MAGI2: variants seen among roughly 807,000 people sequenced by gnomAD.
MAGI2 encodes membrane associated guanylate kinase, WW and PDZ domain containing 2, also known as membrane-associated guanylate kinase, WW and PDZ domain-containing protein 2.
MAGI2 carries 35 observed loss-of-function variants against 133.3 expected under a neutral mutation model. That is an observed-to-expected ratio of 0.26 (90% CI 0.20 to 0.35). The LOEUF is 0.35. MAGI2 is among the 10% of genes least tolerant of loss of function. The pLI is 1.00. For missense variants in MAGI2, 1,636 were observed against 1,863.4 expected (o/e 0.88, Z 2.25); for synonymous variants, 729 against 710.6 (o/e 1.03, Z -0.41).
intron 10 of MAGI2, 137 bp downstream of exon 10, chr7:78,255,806 T>TGGG: frequency 1.1e-6 from 1 of 874,408 alleles, no homozygotes; most frequent in Non-Finnish European, 1.8e-6. Flanking sequence ...TTCATGTTTT[T>TGGG]CTCTCTCACT....
rs756056018 is a variant in MAGI2, at chr7:79,308,257, C to T, written c.301+144763G>A. Among the ~76,000 whole-genome samples the T allele has an allele frequency of 1.7e-4, 26 of 152,248 alleles. 1 individual carries two copies. The highest frequency in any genetic ancestry group is 2.9e-5 in the Non-Finnish European group (2 of 68,018). On this transcript the variant is annotated intron_variant, in intron 1 of 21. Coordinates refer to ENST00000354212, the MANE Select transcript of MAGI2 (RefSeq NM_012301.4). The stretch of plus-strand genomic sequence containing the variant: ...TGGAAATATTGACGTTGCCAACACA[C>T]GTAGCTCAATATTCCCACTGCTCTT...
intron 6 of MAGI2, among the ~76,000 whole-genome samples, chr7:78,461,393 C>T (rs373882519): frequency 1.1e-3 from 150 of 138,108 alleles, no homozygotes; most frequent in Middle Eastern, 8.5e-3. Flanking sequence ...CGTGTGTGTG[C>T]GTGTGTGTGT....
intron 2 of MAGI2, among the ~76,000 whole-genome samples, chr7:78,639,571 A>C (rs1242786626): frequency 6.6e-6 from 1 of 152,232 alleles, no homozygotes; most frequent in Non-Finnish European, 1.5e-5. Flanking sequence ...ATCACACTAA[A>C]TCTTATTATA....
At chr7:78,609,540 T>C (rs574171963) in intron 3 of MAGI2, among the ~76,000 whole-genome samples, 12 of 152,298 alleles carry the variant, frequency 7.9e-5, no homozygotes, top group African/African-American at 2.2e-4. Context: ...TGCACAAACA[T>C]GTTTTTAACA....
intron 4 of MAGI2, among the ~76,000 whole-genome samples, chr7:78,503,408 TC>T (rs1365936748): frequency 6.6e-6 from 1 of 151,948 alleles, no homozygotes; most frequent in African/African-American, 2.4e-5. Context: ...TGAATTGTAA[TC>T]CCCACATGTC....
intron 21 of MAGI2, among the ~76,000 whole-genome samples, chr7:78,066,228 G>A (rs1482939033): frequency 2.0e-5 from 3 of 152,078 alleles, no homozygotes; most frequent in African/African-American, 4.8e-5. Context: ...CTGGGAGGCC[G>A]AGGTGGGCGG....
At chr7:78,291,627 A>C (rs536861236) in intron 9 of MAGI2, among the ~76,000 whole-genome samples, 1 of 152,158 alleles carries the variant, frequency 6.6e-6, no homozygotes. Context: ...GAGACACAAC[A>C]GAAAAAGAGA....
chr7:78,462,643 C>G (rs1234406578), intron 6 of MAGI2, among the ~76,000 whole-genome samples: 1 of 152,110 alleles, frequency 6.6e-6, no homozygotes, highest in Non-Finnish European at 1.5e-5. Context: ...ATTGCAAAAC[C>G]TTTTTCGCAA....
chr7:78,768,585 G>T (rs527804017), intron 2 of MAGI2, among the ~76,000 whole-genome samples: 175 of 152,224 alleles, frequency 1.1e-3, no homozygotes, highest in Non-Finnish European at 2.1e-3. Flanking sequence ...CCCTTCAGTG[G>T]AGCAAATATT....
At chr7:78,874,450 C>T (rs904425961) in intron 2 of MAGI2, among the ~76,000 whole-genome samples, 5 of 151,992 alleles carry the variant, frequency 3.3e-5, no homozygotes, top group Admixed American at 3.3e-4. Context: ...TCCTGTGAAC[C>T]CTCCCAAGGA....
intron 1 of MAGI2, among the ~76,000 whole-genome samples, chr7:79,389,728 T>C (rs1844460004): frequency 6.7e-6 from 1 of 149,352 alleles, no homozygotes; most frequent in Non-Finnish European, 1.5e-5. Context: ...ATAAAAGGAA[T>C]CCTAGTGTAT....
At chr7:78,782,760 G>A (rs756084424) in intron 2 of MAGI2, among the ~76,000 whole-genome samples, 3 of 152,114 alleles carry the variant, frequency 2.0e-5, no homozygotes, top group Non-Finnish European at 4.4e-5. Flanking sequence ...GCTGACAAAC[G>A]TGGTGCCGAA....
chr7:79,363,606 A>G lies in MAGI2; in HGVS notation c.301+89414T>C, dbSNP rs150729405. On this transcript the variant is annotated intron_variant, in intron 1 of 21. Coordinates refer to ENST00000354212, the MANE Select transcript of MAGI2 (RefSeq NM_012301.4). The stretch of plus-strand genomic sequence containing the variant: ...TAAGACCTGAAACTATAAAATTGCT[A>G]GAAGGAAACAGGGGAAGTTTTCCTT... 6.0e-3 allele frequency among the ~76,000 whole-genome samples: 911 copies of G among 151,652 alleles called. 46 individuals carry two copies. Among genetic ancestry groups the G allele is most frequent in the Admixed American group, 0.055 (836 of 15,224 alleles).
intron 14 of MAGI2, among the ~76,000 whole-genome samples, chr7:78,171,889 G>T (rs536183659): frequency 7.8e-4 from 69 of 88,552 alleles, no homozygotes; most frequent in African/African-American, 2.4e-3. Context: ...GGGTTTTTTT[G>T]TTTGTTTGTT....
intron 1 of MAGI2, among the ~76,000 whole-genome samples, chr7:79,306,065 G>T (rs1233524277): frequency 6.7e-6 from 1 of 149,746 alleles, no homozygotes. Flanking sequence ...GGAGTGCAGT[G>T]GCACAGTCAT....
At chr7:78,925,304 C>G (rs1799609673) in intron 2 of MAGI2, among the ~76,000 whole-genome samples, 1 of 151,988 alleles carries the variant, frequency 6.6e-6, no homozygotes, top group Non-Finnish European at 1.5e-5. Flanking sequence ...TTTCTGCCTA[C>G]CAGATATTTA....
At chr7:78,221,393 C>T (rs1788814890) in intron 10 of MAGI2, among the ~76,000 whole-genome samples, 1 of 152,130 alleles carries the variant, frequency 6.6e-6, no homozygotes, top group Non-Finnish European at 1.5e-5. Context: ...TTTATTGTCT[C>T]AAATTAACTT....
intron 11 of MAGI2, among the ~76,000 whole-genome samples, chr7:78,199,323 T>C (rs555987349): frequency 4.9e-4 from 75 of 152,368 alleles, no homozygotes; most frequent in Middle Eastern, 3.4e-3. Flanking sequence ...GTTCATTTCA[T>C]ACAGTGACTT....
intron 1 of MAGI2, among the ~76,000 whole-genome samples, chr7:79,186,280 C>CTA (rs200058882): frequency 9.0e-6 from 1 of 111,004 alleles, no homozygotes; most frequent in Non-Finnish European, 1.6e-5. Flanking sequence ...TACATTTAAA[C>CTA]TATATATATA....
Sources: gnomAD v4.1 joint callset for allele counts (sites outside exome capture counted in the v4.1 genomes callset) on GRCh38, gnomAD v4.1.1 for gene constraint, MANE v1.5 for transcripts, NCBI Gene and HGNC (gene_info 2026-07-23, HGNC 2026-07-21) for gene names.